Variants in MPHOSPH9 observed in about 807,000 individuals in gnomAD.
The protein encoded by MPHOSPH9 is M-phase phosphoprotein 9.
MPHOSPH9 carries 88 observed loss-of-function variants against 145.5 expected under a neutral mutation model. The observed-to-expected ratio is 0.60, with a 90% CI of 0.51 to 0.72. The LOEUF (loss-of-function observed/expected upper bound fraction) is 0.72. MPHOSPH9 is among the 30% of genes least tolerant of loss of function. The probability of loss-of-function intolerance (pLI) is 0.00; values close to 1 mark genes in which losing one functional copy is unlikely to be tolerated. For synonymous variants in MPHOSPH9, 435 were observed against 486.2 expected, an observed-to-expected ratio of 0.89 and a Z score of 1.39; for missense variants, 1,238 against 1,386.6, an observed-to-expected ratio of 0.89 and a Z score of 1.70.
chr12:123,202,292 A>G lies in MPHOSPH9; in HGVS notation c.1809T>C (p.His603=). ...SKIRQNLKEK[H]ARHIADLRAY... ...CTCGAAGATCTGCTATGTGTCGAGC[A>G]TGCTTTTCCTTCAGATTCTGCCTAA... Residue 603 remains histidine, a synonymous_variant, in exon 11 of 24, where the codon CAT becomes CAC. Transcript: ENST00000606320. The G allele has an allele frequency of 6.2e-7, 1 of 1,608,002 alleles. No individual in the cohort carries two copies. The highest frequency in any genetic ancestry group is 8.5e-7 in the Non-Finnish European group (1 of 1,178,536).
intron 14 of MPHOSPH9, among the ~76,000 whole-genome samples, chr12:123,180,400 C>T (rs1327692625): frequency 1.3e-5 from 2 of 152,138 alleles, no homozygotes; most frequent in Admixed American, 6.6e-5. Context: ...CTTCAATAAC[C>T]ACAACCCTCC....
intron 3 of MPHOSPH9, chr12:123,226,178 T>C (rs1303933710): frequency 4.1e-6 from 1 of 241,610 alleles, no homozygotes; most frequent in Non-Finnish European, 7.0e-6. Flanking sequence ...ATACTGATTA[T>C]TATATGCAAA....
chr12:123,164,083 A>G lies in MPHOSPH9; in HGVS notation c.2775T>C (p.Pro925=), dbSNP rs1463288591. 2 of 1,614,166 alleles carry G rather than the reference A, an allele frequency of 1.2e-6. No individual in the cohort carries two copies. The highest frequency in any genetic ancestry group is 2.2e-5 in the East Asian group (1 of 44,878). The change falls in exon 19 of 24, where the codon CCT becomes CCC. Residue 925 remains proline (P), a synonymous_variant. Transcript: ENST00000606320. ...CATTAACTGAAGTTTCAGTTTGCCGAGGATTTACTACAGCAGACCAAAAAA... is the reference window on the plus strand; with the variant it reads ...CATTAACTGAAGTTTCAGTTTGCCGGGGATTTACTACAGCAGACCAAAAAA... ...TEKEDTSNIN[P]RQTETSVNAS...
chr12:123,165,668 C>G (rs1037426387), intron 17 of MPHOSPH9, 191 bp from the exon 18 acceptor site: 3 of 510,338 alleles, frequency 5.9e-6, no homozygotes, highest in African/African-American at 5.7e-5. Flanking sequence ...GATTAATGCC[C>G]TTATGAAAAA....
At chr12:123,165,710 C>G in intron 17 of MPHOSPH9, 1 of 415,494 alleles carries the variant, frequency 2.4e-6, no homozygotes, top group Non-Finnish European at 4.3e-6. Flanking sequence ...TCTCTGTGCA[C>G]ACACACCAAG....
At chr12:123,175,935 G>A (rs2044841211) in intron 16 of MPHOSPH9, among the ~76,000 whole-genome samples, 1 of 150,594 alleles carries the variant, frequency 6.6e-6, no homozygotes, top group East Asian at 1.9e-4. Flanking sequence ...CTCTCGCCAT[G>A]TTGCCCAGAC....
intron 3 of MPHOSPH9, among the ~76,000 whole-genome samples, chr12:123,223,939 A>AT (rs886486364): frequency 1.1e-4 from 16 of 149,670 alleles, no homozygotes; most frequent in African/African-American, 2.2e-4. Flanking sequence ...TTATTTATTT[A>AT]TTTTTTTTTT....
chr12:123,221,866 G>T lies in MPHOSPH9; in HGVS notation c.378C>A (p.Val126=). 1.3e-6 allele frequency: 2 copies of T among 1,587,114 alleles called. No homozygotes were observed. Among genetic ancestry groups the T allele is most frequent in the South Asian group, 1.1e-5 (1 of 87,692 alleles). ...AGGAAGCACTACTAGTCTGTAATTT[G>T]ACTAAATTTTTTATCTCCTCCTGTA... ...QHIQEEIKNL[V]KLQTSSASLA... Residue 126 remains valine (V), a synonymous_variant, in exon 5 of 24, where the codon GTC becomes GTA. Transcript: ENST00000606320.
At position 123,230,316 on chromosome 12, in the gene MPHOSPH9, CAGA is replaced by C; in HGVS notation, c.46_48del (p.Ser16del). 6.5e-7 allele frequency: 1 copy of C among 1,534,396 alleles called. No individual in the cohort carries two copies. Reference sequence around the variant, plus strand: ...TGAAGAGAATTTTCATCAGATCCTACAGAAGATGAAGTTTTGTGTAAGGTTTTC... The same window carrying C: ...TGAAGAGAATTTTCATCAGATCCTACAGATGAAGTTTTGTGTAAGGTTTTC... On this transcript the variant is annotated inframe_deletion, in exon 2 of 24. Transcript: ENST00000606320.
chr12:123,204,774 C>T (rs1054014237), intron 8 of MPHOSPH9, among the ~76,000 whole-genome samples: 7 of 152,126 alleles, frequency 4.6e-5, no homozygotes, highest in Non-Finnish European at 1.0e-4. Flanking sequence ...ACGCAGGAGA[C>T]TGAAGTGGGA....
intron 13 of MPHOSPH9, among the ~76,000 whole-genome samples, chr12:123,191,460 T>C (rs1003238030): frequency 1.3e-5 from 2 of 152,140 alleles, no homozygotes; most frequent in Non-Finnish European, 2.9e-5. Context: ...CTAGCTAATG[T>C]TTTTTATTTT....
chr12:123,238,396 CCTT>C (rs972790504), intron 1 of MPHOSPH9, among the ~76,000 whole-genome samples: 26 of 152,118 alleles, frequency 1.7e-4, no homozygotes, highest in Admixed American at 1.6e-3. Flanking sequence ...GGTTTCATCT[CCTT>C]CTTAAGGAAG....
rs186237287 is a variant in MPHOSPH9 at position 123,172,578 on chromosome 12, C to T, written c.2456+4110G>A. Among the ~76,000 whole-genome samples the T allele has an allele frequency of 5.4e-3, 830 of 152,332 alleles. 10 individuals carry two copies. The highest frequency in any genetic ancestry group is 0.019 in the African/African-American group (796 of 41,574). The stretch of plus-strand genomic sequence containing the variant: ...GAACTCCTGACCTCAGGTGATCCAC[C>T]TGCCTTGGCCTCCCAAAGTGCTGGG... On this transcript the variant is annotated intron_variant, in intron 16 of 23. Coordinates refer to ENST00000606320, the MANE Select transcript of MPHOSPH9 (RefSeq NM_022782.4).
chr12:123,223,233 C>T (rs779550365), intron 3 of MPHOSPH9, 106 bp from the exon 4 acceptor site: 43 of 629,260 alleles, frequency 6.8e-5, no homozygotes, highest in Non-Finnish European at 9.0e-5. Context: ...TGATCCATCC[C>T]AAATCCCAAG....
chr12:123,223,802 A>C (rs1488867018), intron 3 of MPHOSPH9, among the ~76,000 whole-genome samples: 1 of 151,856 alleles, frequency 6.6e-6, no homozygotes, highest in Non-Finnish European at 1.5e-5. Flanking sequence ...CCCCTGCCCC[A>C]CTCTAACTCC....
At chr12:123,157,845 A>T (rs950863680) in intron 23 of MPHOSPH9, among the ~76,000 whole-genome samples, 1 of 152,082 alleles carries the variant, frequency 6.6e-6, no homozygotes, top group Non-Finnish European at 1.5e-5. Flanking sequence ...AAAACTTAAA[A>T]TTTTTTTCTT....
intron 1 of MPHOSPH9, among the ~76,000 whole-genome samples, chr12:123,231,937 C>T (rs2138703686): frequency 1.4e-5 from 2 of 147,134 alleles, no homozygotes; most frequent in East Asian, 2.0e-4. Context: ...TCTAGTATTC[C>T]GCTTCTGCTA....
At position 123,227,458 on chromosome 12, in the gene MPHOSPH9, G is replaced by A. The variant is rs185289477; in HGVS notation, c.258+5C>T. 1.7e-4 allele frequency: 251 copies of A among 1,464,592 alleles called. No homozygotes were observed. In the African/African-American group the frequency reaches 2.8e-3, roughly 16 times the overall value. 90.7% of individuals were successfully genotyped at this position (1,464,592 alleles called of 1,614,324 possible). Reference sequence around the variant, plus strand: ...AAATTCCAAAAATAAAACAAAATTAGATACCTCACAGTTTTTCCAAAGTTC... The same window carrying A: ...AAATTCCAAAAATAAAACAAAATTAAATACCTCACAGTTTTTCCAAAGTTC... On this transcript the variant is annotated splice_donor_5th_base_variant and intron_variant, in intron 3 of 23. Coordinates refer to ENST00000606320, the MANE Select transcript of MPHOSPH9 (RefSeq NM_022782.4).
Position 123,162,096 on chromosome 12 carries a change from AT to A in MPHOSPH9, c.3133+18del. 2.1e-6 allele frequency: 3 copies of A among 1,441,396 alleles called. No individual in the cohort carries two copies. Among genetic ancestry groups the A allele is most frequent in the Non-Finnish European group, 2.8e-6 (3 of 1,053,286 alleles). 89.3% of individuals were successfully genotyped at this position (1,441,396 alleles called of 1,614,324 possible). ...ATGAATGATTAAAACCATAACTAAT[AT>A]TTTTTAGGAAAAGATACCTTCCGAG... On this transcript the variant is annotated intron_variant, in intron 21 of 23. Coordinates refer to ENST00000606320, the MANE Select transcript of MPHOSPH9 (RefSeq NM_022782.4).
Sources: gnomAD v4.1 joint callset for allele counts (sites outside exome capture counted in the v4.1 genomes callset) on GRCh38, gnomAD v4.1.1 for gene constraint, MANE v1.5 for transcripts, NCBI Gene and HGNC (gene_info 2026-07-23, HGNC 2026-07-21) for gene names.